The following SLC7A9 variants were observed in gnomAD, a reference collection of about 807,000 sequenced individuals.
SLC7A9 encodes solute carrier family 7 member 9.
Under a neutral mutation model 54.1 loss-of-function variants are expected in SLC7A9, and 38 were observed. The observed-to-expected ratio is 0.70, with a 90% CI of 0.54 to 0.92. The LOEUF (loss-of-function observed/expected upper bound fraction) is 0.92. Among genes scored for constraint, SLC7A9 ranks in the 40% least tolerant of loss-of-function variants. The probability of loss-of-function intolerance (pLI) is 0.00; values close to 1 mark genes in which losing one functional copy is unlikely to be tolerated. For synonymous variants in SLC7A9, 264 were observed against 258.9 expected (o/e 1.02, Z -0.19); for missense variants, 537 against 636.1 (o/e 0.84, Z 1.68).
chr19:32,834,785 GTTTT>G (rs1257793046), intron 11 of SLC7A9, among the ~76,000 whole-genome samples: 1 of 152,088 alleles, frequency 6.6e-6, no homozygotes, highest in Non-Finnish European at 1.5e-5. Flanking sequence ...CTTTGACTGT[GTTTT>G]TTTGTTTGTT....
In SLC7A9 at chr19:32,856,626, G is replaced by A. The variant is rs1035583300; in HGVS notation, c.977+1814C>T. Among the ~76,000 whole-genome samples, 6 of 152,146 alleles carry A rather than the reference G, an allele frequency of 3.9e-5. No homozygotes were observed. In the South Asian group the frequency reaches 1.2e-3, roughly 32 times the overall value. The stretch of plus-strand genomic sequence containing the variant: ...GCAATTATTGTTGTTATTTTTTAGA[G>A]GCAGGGTCTTACTCTGTTACCCAGG... On this transcript the variant is annotated intron_variant, in intron 9 of 12. Coordinates refer to ENST00000023064, the MANE Select transcript of SLC7A9 (RefSeq NM_014270.5).
At chr19:32,838,885 T>G (rs1336825864) in intron 11 of SLC7A9, among the ~76,000 whole-genome samples, 2 of 150,992 alleles carry the variant, frequency 1.3e-5, no homozygotes, top group South Asian at 2.1e-4. Context: ...TTATGTATAA[T>G]GCCCTTAGTC....
At chr19:32,864,858 G>T in intron 2 of SLC7A9, 82 bp from the exon 3 acceptor site, 1 of 1,576,980 alleles carries the variant, frequency 6.3e-7, no homozygotes, top group Non-Finnish European at 8.7e-7. Flanking sequence ...CCCTCGGTAC[G>T]GCCAGGGCGG....
At chr19:32,848,132 C>T (rs573422226) in intron 9 of SLC7A9, among the ~76,000 whole-genome samples, 185 of 152,262 alleles carry the variant, frequency 1.2e-3, no homozygotes, top group African/African-American at 1.6e-3. Flanking sequence ...CATCAACTAA[C>T]GAGCAAAATA....
chr19:32,864,839 T>C (rs753564096), intron 2 of SLC7A9, 63 bp from the exon 3 acceptor site: 101 of 1,608,090 alleles, frequency 6.3e-5, no homozygotes, highest in Non-Finnish European at 7.3e-5. Flanking sequence ...GAAGGCCAGG[T>C]GCCACCCTCC....
chr19:32,862,497 T>TGGC lies in SLC7A9; in HGVS notation c.565_567dup (p.Ala189dup). On this transcript the variant is annotated inframe_insertion, in exon 5 of 13. Coordinates refer to ENST00000023064, the MANE Select transcript of SLC7A9 (RefSeq NM_014270.5). ...AGCACCAGCCCGCTGATGATGATGA[T>TGGC]GGCCACGATCACCAGCTTGGCCGCG... 1.9e-6 allele frequency: 3 copies of TGGC among 1,613,494 alleles called. No homozygotes were observed. Among genetic ancestry groups the TGGC allele is most frequent in the Non-Finnish European group, 2.5e-6 (3 of 1,180,004 alleles).
At position 32,843,920 on chromosome 19, in the gene SLC7A9, T is replaced by C. The variant is rs1170280481; in HGVS notation, c.1009A>G (p.Met337Val). Residue 337 changes from methionine (M) to valine (V), a missense_variant, in exon 10 of 13, where the codon ATG becomes GTG. Met to Val is a conservative substitution (Grantham distance 21, BLOSUM62 1). Coordinates refer to ENST00000023064, the MANE Select transcript of SLC7A9 (RefSeq NM_014270.5). ...CTGATGTAAGAAAGCACTTTGAGCA[T>C]GTGACCCTCCCGGCCCGCCACGTAA... ...LIYVAGREGHMLKVLSYISVR... is the reference protein window; with the variant it reads ...LIYVAGREGHVLKVLSYISVR... 10 of 1,613,862 alleles carry C rather than the reference T, an allele frequency of 6.2e-6. No individual in the cohort carries two copies. Among genetic ancestry groups the C allele is most frequent in the Admixed American group, 1.7e-5 (1 of 60,008 alleles).
intron 11 of SLC7A9, among the ~76,000 whole-genome samples, chr19:32,834,991 C>T (rs1274677034): frequency 6.6e-6 from 1 of 152,030 alleles, no homozygotes; most frequent in Non-Finnish European, 1.5e-5. Context: ...GGTTTCACCA[C>T]GTTGGCCAGG....
At chr19:32,857,099 G>A (rs561132586) in intron 9 of SLC7A9, among the ~76,000 whole-genome samples, 16 of 151,760 alleles carry the variant, frequency 1.1e-4, no homozygotes, top group African/African-American at 3.4e-4. Context: ...GCAGTGAGGC[G>A]AGATCACACC....
intron 12 of SLC7A9, among the ~76,000 whole-genome samples, chr19:32,832,161 C>T (rs548256382): frequency 7.2e-5 from 11 of 151,944 alleles, no homozygotes; most frequent in East Asian, 3.9e-4. Flanking sequence ...TGGTGGCAGG[C>T]GCCTGTAATC....
rs10409249 is a variant in SLC7A9, at chr19:32,856,421, C to T, written c.977+2019G>A. On this transcript the variant is annotated intron_variant, in intron 9 of 12. Transcript: ENST00000023064. ...ATGTTAGGCAAGATGGTCTCGATCTCCTGACCTCGTGATCTGCCCGCCTCG... is the reference window on the plus strand; with the variant it reads ...ATGTTAGGCAAGATGGTCTCGATCTTCTGACCTCGTGATCTGCCCGCCTCG... Among the ~76,000 whole-genome samples, 959 of 152,232 alleles carry T rather than the reference C, an allele frequency of 6.3e-3. 11 individuals are homozygous for T. The highest frequency in any genetic ancestry group is 0.022 in the African/African-American group (910 of 41,532).
intron 6 of SLC7A9, among the ~76,000 whole-genome samples, 164 bp from the exon 7 acceptor site, chr19:32,860,814 T>G (rs1968779152): frequency 6.6e-6 from 1 of 152,228 alleles, no homozygotes; most frequent in African/African-American, 2.4e-5. Flanking sequence ...GCCCTGCTAG[T>G]GGTGGGGCCT....
chr19:32,838,295 C>G (rs988731407), intron 11 of SLC7A9, among the ~76,000 whole-genome samples: 1 of 151,862 alleles, frequency 6.6e-6, no homozygotes, highest in African/African-American at 2.4e-5. Flanking sequence ...AAGCACACTT[C>G]CTCTTTTTTA....
At chr19:32,835,326 A>C (rs1470337900) in intron 11 of SLC7A9, among the ~76,000 whole-genome samples, 1 of 152,200 alleles carries the variant, frequency 6.6e-6, no homozygotes, top group Non-Finnish European at 1.5e-5. Context: ...TAATTTGAAA[A>C]ATCAATAAAA....
At chr19:32,853,943 A>C (rs1968543182) in intron 9 of SLC7A9, among the ~76,000 whole-genome samples, 1 of 151,390 alleles carries the variant, frequency 6.6e-6, no homozygotes, top group South Asian at 2.1e-4. Flanking sequence ...AAACACCAAC[A>C]AACAAAAAAG....
rs1237444315 is a variant in SLC7A9 at position 32,842,155 on chromosome 19, G to C, written c.1224+13C>G. 6.2e-7 allele frequency: 1 copy of C among 1,613,834 alleles called. No homozygotes were observed. Reference sequence around the variant, plus strand: ...ATCCAAAGCCACTCGTGACTCTGGGGCTGCAAGCTTACCTTGATAGGCCTT... The same window carrying C: ...ATCCAAAGCCACTCGTGACTCTGGGCCTGCAAGCTTACCTTGATAGGCCTT... On this transcript the variant is annotated intron_variant, in intron 11 of 12. Transcript: ENST00000023064.
At position 32,864,208 on chromosome 19, in the gene SLC7A9, G is replaced by A. The variant is rs760528214; in HGVS notation, c.366C>T (p.Pro122=). The A allele has an allele frequency of 6.2e-7, 1 of 1,614,226 alleles. No individual in the cohort carries two copies. Among genetic ancestry groups the A allele is most frequent in the Non-Finnish European group, 8.5e-7 (1 of 1,180,032 alleles). The change falls in exon 4 of 13, where the codon CCC becomes CCT. Residue 122 remains proline, a synonymous_variant. Transcript: ENST00000023064. ...TGAGGCAGATGATGGCGAAGGACGT[G>A]GGCTTAATGACGATCAGGCTGGCCC... The part of the protein sequence containing the change: ...FSWASLIVIK[P]TSFAIICLSF...
At chr19:32,833,414 C>A in intron 11 of SLC7A9, 91 bp from the exon 12 acceptor site, 1 of 1,037,116 alleles carries the variant, frequency 9.6e-7, no homozygotes, top group South Asian at 1.3e-5. Flanking sequence ...GTATGAACTC[C>A]ATGTACCCCC....
chr19:32,859,039 G>A (rs1202445475), intron 8 of SLC7A9, among the ~76,000 whole-genome samples: 5 of 151,626 alleles, frequency 3.3e-5, no homozygotes, highest in Non-Finnish European at 2.9e-5. Context: ...CACCCATCTC[G>A]GCCTCCCAAA....
Sources: gnomAD v4.1 joint callset for allele counts (sites outside exome capture counted in the v4.1 genomes callset) on GRCh38, gnomAD v4.1.1 for gene constraint, MANE v1.5 for transcripts, NCBI Gene and HGNC (gene_info 2026-07-23, HGNC 2026-07-21) for gene names.